The following IL17B variants were observed in gnomAD, a reference collection of about 807,000 sequenced individuals.
The protein encoded by IL17B is interleukin-17B.
Under a neutral mutation model 14.7 loss-of-function variants are expected in IL17B, and 14 were observed. The ratio of observed to expected loss-of-function variants is 0.95; its 90% CI spans 0.63 to 1.49. IL17B has a LOEUF of 1.49. IL17B is among the 40% of genes most tolerant of loss of function. The probability of loss-of-function intolerance (pLI) is 0.00; values close to 1 mark genes in which losing one functional copy is unlikely to be tolerated. For missense variants in IL17B, 233 were observed against 252.8 expected (o/e 0.92, Z 0.53); for synonymous variants, 105 against 94.8 (o/e 1.11, Z -0.62).
At chr5:149,384,205 T>C (rs1226657006), upstream of IL17B, among the ~76,000 whole-genome samples, 1 of 152,224 alleles carries the variant, frequency 6.6e-6, no homozygotes, top group Admixed American at 6.5e-5. Flanking sequence ...CCTCCTCCTG[T>C]GGGGAAAGCA....
chr5:149,383,774 G>C (rs983532621), upstream of IL17B, among the ~76,000 whole-genome samples: 2 of 152,230 alleles, frequency 1.3e-5, no homozygotes, highest in African/African-American at 4.8e-5. Flanking sequence ...GGGCTGCCAC[G>C]TCGACATGAC....
intron 1 of IL17B, among the ~76,000 whole-genome samples, chr5:149,398,040 C>T (rs1384674170): frequency 2.0e-5 from 3 of 152,210 alleles, no homozygotes; most frequent in African/African-American, 7.2e-5. Flanking sequence ...CACACATACA[C>T]ACCCGACATA....
chr5:149,395,580 A>T (rs1011611057), intron 1 of IL17B, among the ~76,000 whole-genome samples: 8 of 152,248 alleles, frequency 5.3e-5, no homozygotes, highest in African/African-American at 1.4e-4. Flanking sequence ...CTTCAGGCAA[A>T]TGCGACTTTA....
intron 1 of IL17B, among the ~76,000 whole-genome samples, chr5:149,393,309 A>G (rs532245039): frequency 7.9e-5 from 12 of 152,272 alleles, no homozygotes; most frequent in Non-Finnish European, 1.5e-4. Context: ...CAGATCCCTC[A>G]GTAGGAAATG....
intron 1 of IL17B, among the ~76,000 whole-genome samples, chr5:149,400,464 T>G (rs1759183529): frequency 1.3e-5 from 2 of 151,998 alleles, no homozygotes; most frequent in Admixed American, 1.3e-4. Flanking sequence ...CTGGATGGAG[T>G]GTTTGGTTAC....
chr5:149,381,724 G>A (rs977166167), upstream of IL17B, among the ~76,000 whole-genome samples: 4 of 152,222 alleles, frequency 2.6e-5, no homozygotes, highest in African/African-American at 9.6e-5. Context: ...CTCAGACCAG[G>A]AGGGAGACCC....
chr5:149,396,821 G>C (rs892258437), intron 1 of IL17B, among the ~76,000 whole-genome samples: 1 of 152,190 alleles, frequency 6.6e-6, no homozygotes, highest in African/African-American at 2.4e-5. Flanking sequence ...TGTAACACTG[G>C]AGGAAAAGAC....
chr5:149,377,684 G>A (rs914779119), intron 1 of IL17B, among the ~76,000 whole-genome samples: 2 of 152,146 alleles, frequency 1.3e-5, no homozygotes, highest in Non-Finnish European at 2.9e-5. Flanking sequence ...CTGGAGAAGA[G>A]TGGGGCCTCC....
At position 149,374,552 on chromosome 5, in the gene IL17B, C is replaced by G; in HGVS notation, c.360G>C (p.Arg120=). ...SRIPVDLPEA[R]CLCLGCVNPF... ...GGTTCACACAGCCCAGACACAGGCA[C>G]CGTGCCTCCGGCAGGTCCACGGGGA... The change falls in exon 3 of 3, where the codon CGG becomes CGC. Residue 120 remains arginine (R), a synonymous_variant. Coordinates refer to ENST00000261796, the MANE Select transcript of IL17B (RefSeq NM_014443.3). This position sits in a 1 kb window ranked among gnomAD's most constrained non-coding sequence, Gnocchi z 5.0. The G allele has an allele frequency of 1.2e-6, 2 of 1,613,108 alleles. No homozygotes were observed. The highest frequency in any genetic ancestry group is 1.7e-6 in the Non-Finnish European group (2 of 1,179,784).
At chr5:149,394,827 T>C (rs1759058606) in intron 1 of IL17B, among the ~76,000 whole-genome samples, 1 of 152,220 alleles carries the variant, frequency 6.6e-6, no homozygotes, top group African/African-American at 2.4e-5. Context: ...TCTGTGATTC[T>C]ATATACATGG....
intron 1 of IL17B, among the ~76,000 whole-genome samples, chr5:149,391,477 A>T (rs944540006): frequency 3.3e-5 from 5 of 152,128 alleles, no homozygotes; most frequent in Non-Finnish European, 7.4e-5. Context: ...AACCCACACA[A>T]TCAGAGAATG....
intron 2 of IL17B, among the ~76,000 whole-genome samples, chr5:149,375,613 A>G (rs904328296): frequency 5.9e-5 from 9 of 152,330 alleles, no homozygotes; most frequent in African/African-American, 9.6e-5. Context: ...CGGGCTGAGC[A>G]TGGTGGCTTA....
At chr5:149,403,762 T>G (rs1211841748) in intron 1 of IL17B, among the ~76,000 whole-genome samples, 1 of 152,154 alleles carries the variant, frequency 6.6e-6, no homozygotes. Context: ...TCTGCTTGCA[T>G]TCCCTTAATA....
At position 149,397,448 on chromosome 5, in the gene IL17B, C is replaced by T. The variant is rs146435196; in HGVS notation, n.95+6660G>A. On this transcript the variant is annotated intron_variant and non_coding_transcript_variant, in intron 1 of 2. Coordinates refer to the IL17B transcript ENST00000505432. ...CCTCCCAAAATGGTAGGATTATAGG[C>T]GTGAACCACCGTGGCTGGCCCATTT... Among the ~76,000 whole-genome samples the T allele has an allele frequency of 2.2e-3, 341 of 152,312 alleles. 3 individuals carry two copies. The highest frequency in any genetic ancestry group is 0.017 in the Middle Eastern group (5 of 294).
chr5:149,376,895 G>A lies in IL17B; in HGVS notation c.152C>T (p.Ser51Leu), dbSNP rs760308405. The A allele has an allele frequency of 1.2e-6, 2 of 1,614,132 alleles. No individual in the cohort carries two copies. Among genetic ancestry groups the A allele is most frequent in the South Asian group, 2.2e-5 (2 of 91,064 alleles). ...CATGCGGGCATACGGTTTCATCCGT[G>A]ACACCAGGTCCAGTGGCACCTGGTG... is the stretch of plus-strand genomic sequence containing the variant. The part of the protein sequence containing the change: ...GPHQVPLDLV[S>L]RMKPYARMEE... Residue 51 changes from serine to leucine, a missense_variant, in exon 2 of 3, where the codon TCA becomes TTA. Physicochemically the swap from Ser to Leu is moderately radical, Grantham distance 145. Coordinates refer to ENST00000261796, the MANE Select transcript of IL17B (RefSeq NM_014443.3).
intron 1 of IL17B, among the ~76,000 whole-genome samples, chr5:149,399,791 T>A (rs1276773306): frequency 1.3e-5 from 2 of 152,190 alleles, no homozygotes; most frequent in African/African-American, 4.8e-5. Context: ...ATGTGCTCAG[T>A]GGCAGGAATT....
At chr5:149,393,502 A>C (rs1362775270) in intron 1 of IL17B, among the ~76,000 whole-genome samples, 1 of 152,234 alleles carries the variant, frequency 6.6e-6, no homozygotes. Context: ...GACCTGAATA[A>C]ATAAATGAAT....
chr5:149,382,831 T>C (rs558181572), upstream of IL17B, among the ~76,000 whole-genome samples: 138 of 152,320 alleles, frequency 9.1e-4, no homozygotes, highest in Middle Eastern at 3.4e-3. Flanking sequence ...ATCAAGGGGA[T>C]CCGAGAGCTC....
chr5:149,396,602 A>G (rs1229403211), intron 1 of IL17B, among the ~76,000 whole-genome samples: 1 of 152,138 alleles, frequency 6.6e-6, no homozygotes, highest in Non-Finnish European at 1.5e-5. Flanking sequence ...CAAAAAATAC[A>G]AAAAATATAG....
Sources: gnomAD v4.1 joint callset for allele counts (sites outside exome capture counted in the v4.1 genomes callset) on GRCh38, gnomAD v4.1.1 for gene constraint, Gnocchi (gnomAD v3.1) non-coding constraint, MANE v1.5 for transcripts, NCBI Gene and HGNC (gene_info 2026-07-23, HGNC 2026-07-21) for gene names.